Variants in MARCHF4 observed in about 807,000 individuals in gnomAD.
The protein encoded by MARCHF4 is membrane associated ring-CH-type finger 4, also known as E3 ubiquitin-protein ligase MARCHF4.
MARCHF4 carries 14 observed loss-of-function variants against 43.9 expected under a neutral mutation model. That is an observed-to-expected ratio of 0.32 (90% CI 0.21 to 0.50). MARCHF4 has a LOEUF of 0.50. Among genes scored for constraint, MARCHF4 ranks in the 20% least tolerant of loss-of-function variants. The pLI is 0.98. For synonymous variants in MARCHF4, 226 were observed against 213.3 expected, an observed-to-expected ratio of 1.06 and a Z score of -0.52; for missense variants, 468 against 536.7, an observed-to-expected ratio of 0.87 and a Z score of 1.27.
At position 216,258,596 on chromosome 2, in the gene MARCHF4, C is replaced by T. The variant is rs1690689981; in HGVS notation, c.*716G>A. On this transcript the variant is annotated 3_prime_UTR_variant, in exon 4 of 4. Transcript: ENST00000273067. ...ACTATAAAATAAATTAACAAGGGCA[C>T]AGAAGGACACCCTTTTCCAAACCTA... 1 of 152,062 alleles carries T rather than the reference C, an allele frequency of 6.6e-6. No individual in the cohort carries two copies. Among genetic ancestry groups the T allele is most frequent in the Non-Finnish European group, 1.5e-5 (1 of 68,108 alleles). The allele number at this position is 152,062 out of a possible 1,614,324, so 9.4% of individuals were successfully genotyped here.
chr2:216,354,401 C>T (rs753379370), intron 1 of MARCHF4, among the ~76,000 whole-genome samples: 1 of 152,202 alleles, frequency 6.6e-6, no homozygotes, highest in Non-Finnish European at 1.5e-5. Context: ...GGCAAGTCCA[C>T]GTGGGGTCCT....
chr2:216,320,465 C>A (rs1691861602), intron 1 of MARCHF4, among the ~76,000 whole-genome samples: 1 of 152,174 alleles, frequency 6.6e-6, no homozygotes, highest in Non-Finnish European at 1.5e-5. Flanking sequence ...GGCATGAAAT[C>A]ATTTACTTAA....
intron 1 of MARCHF4, among the ~76,000 whole-genome samples, chr2:216,294,015 T>G (rs1178916495): frequency 1.3e-5 from 2 of 152,232 alleles, no homozygotes; most frequent in Non-Finnish European, 2.9e-5. Flanking sequence ...AGTTAAAGAC[T>G]GACCTGCTCT....
chr2:216,348,290 C>T (rs184812024), intron 1 of MARCHF4, among the ~76,000 whole-genome samples: 29 of 152,236 alleles, frequency 1.9e-4, no homozygotes, highest in African/African-American at 6.5e-4. Context: ...ACCCTTTGAT[C>T]GGCCTCTTAA....
At chr2:216,336,194 T>G (rs1692155210) in intron 1 of MARCHF4, among the ~76,000 whole-genome samples, 1 of 149,464 alleles carries the variant, frequency 6.7e-6, no homozygotes. Flanking sequence ...CACTGAACAC[T>G]CATAAAAATT....
chr2:216,302,251 C>G (rs1048380006), intron 1 of MARCHF4, among the ~76,000 whole-genome samples: 5 of 152,030 alleles, frequency 3.3e-5, no homozygotes, highest in African/African-American at 1.2e-4. Flanking sequence ...CGGAGTCTCG[C>G]TCTGTCACCC....
intron 1 of MARCHF4, among the ~76,000 whole-genome samples, chr2:216,355,399 T>C (rs1359002574): frequency 3.3e-5 from 5 of 152,206 alleles, no homozygotes; most frequent in Non-Finnish European, 7.4e-5. Context: ...AGCAATGACA[T>C]GCAAAATCAG....
intron 2 of MARCHF4, among the ~76,000 whole-genome samples, chr2:216,280,870 A>G (rs1195097710): frequency 6.6e-6 from 1 of 152,036 alleles, no homozygotes; most frequent in African/African-American, 2.4e-5. Context: ...CACTAACTAA[A>G]TGTTCATTAA....
At chr2:216,322,085 A>C (rs1438314191) in intron 1 of MARCHF4, among the ~76,000 whole-genome samples, 3 of 152,184 alleles carry the variant, frequency 2.0e-5, no homozygotes, top group African/African-American at 7.2e-5. Context: ...AATGAGGTAT[A>C]CTTAAGGGGA....
At chr2:216,320,730 G>A (rs1574476191) in intron 1 of MARCHF4, among the ~76,000 whole-genome samples, 1 of 145,626 alleles carries the variant, frequency 6.9e-6, no homozygotes, top group South Asian at 2.2e-4. Flanking sequence ...GAGTGCAATG[G>A]CGCGATCTCG....
chr2:216,289,779 T>C (rs1198401551), intron 1 of MARCHF4, among the ~76,000 whole-genome samples: 1 of 152,194 alleles, frequency 6.6e-6, no homozygotes, highest in African/African-American at 2.4e-5. Context: ...TGTACCATGC[T>C]GTAGTTTGGA....
At chr2:216,336,066 T>TA (rs34216672) in intron 1 of MARCHF4, among the ~76,000 whole-genome samples, 21,899 of 60,198 alleles carry the variant, frequency 0.36, 4,305 homozygotes, top group East Asian at 0.59. Context: ...AGACTCTGTC[T>TA]AAAAAAAAAA....
At chr2:216,284,006 G>A (rs779063421) in intron 1 of MARCHF4, among the ~76,000 whole-genome samples, 2 of 152,144 alleles carry the variant, frequency 1.3e-5, no homozygotes, top group African/African-American at 2.4e-5. Flanking sequence ...GAACATGAGC[G>A]GGCTGGTTTC....
chr2:216,296,324 C>A (rs12478497), intron 1 of MARCHF4, among the ~76,000 whole-genome samples: 1 of 152,120 alleles, frequency 6.6e-6, no homozygotes, highest in African/African-American at 2.4e-5. Context: ...CCAGTCTGGG[C>A]GACAGAGCGA....
chr2:216,268,563 G>A (rs1356783730), intron 3 of MARCHF4, among the ~76,000 whole-genome samples: 1 of 152,178 alleles, frequency 6.6e-6, no homozygotes, highest in Admixed American at 6.5e-5. Context: ...CTTCTGCCAT[G>A]ATTGTAAGTT....
chr2:216,319,268 A>G (rs1691841043), intron 1 of MARCHF4, among the ~76,000 whole-genome samples: 1 of 152,174 alleles, frequency 6.6e-6, no homozygotes, highest in African/African-American at 2.4e-5. Flanking sequence ...AAATCGTGCC[A>G]CTGCATTCCA....
chr2:216,317,327 G>A (rs1459237152), intron 1 of MARCHF4, among the ~76,000 whole-genome samples: 1 of 152,194 alleles, frequency 6.6e-6, no homozygotes, highest in Non-Finnish European at 1.5e-5. Context: ...GGAAGGTTGG[G>A]CTCTAAAACA....
intron 1 of MARCHF4, among the ~76,000 whole-genome samples, chr2:216,314,511 T>C (rs566480084): frequency 2.6e-4 from 40 of 152,156 alleles, no homozygotes; most frequent in Admixed American, 5.2e-4. Context: ...TTTGTAGAGA[T>C]GGGTTTTCAC....
intron 3 of MARCHF4, among the ~76,000 whole-genome samples, chr2:216,263,161 T>C (rs562568722): frequency 2.3e-4 from 35 of 152,316 alleles, no homozygotes; most frequent in African/African-American, 7.5e-4. Flanking sequence ...GCGCAGTGGC[T>C]CATGCCTGAA....
Sources: allele counts gnomAD v4.1 joint callset (sites outside exome capture counted in the v4.1 genomes callset), GRCh38; gene constraint gnomAD v4.1.1; transcripts MANE v1.5; gene names NCBI Gene and HGNC (gene_info 2026-07-23, HGNC 2026-07-21).